Variants in HK2 observed in about 807,000 individuals in gnomAD.
HK2 encodes hexokinase-2.
A neutral mutation model predicts 92.9 loss-of-function variants in HK2; 42 were observed. The ratio of observed to expected loss-of-function variants is 0.45; its 90% confidence interval spans 0.35 to 0.58. HK2 has a LOEUF of 0.58. Among genes scored for constraint, HK2 ranks in the 20% least tolerant of loss-of-function variants. HK2 has a pLI of 0.00. For missense variants in HK2, 978 were observed against 1,245.1 expected, an observed-to-expected ratio of 0.79 and a Z score of 3.23; for synonymous variants, 422 against 468.0, an observed-to-expected ratio of 0.90 and a Z score of 1.27.
chr2:74,835,958 A>G (rs569860588), intron 1 of HK2, among the ~76,000 whole-genome samples: 2 of 152,186 alleles, frequency 1.3e-5, no homozygotes, highest in Non-Finnish European at 2.9e-5. Context: ...ACCTCCAAGA[A>G]AAGCAGAAGT....
intron 2 of HK2, among the ~76,000 whole-genome samples, chr2:74,854,764 G>T (rs1332623301): frequency 6.6e-6 from 1 of 152,218 alleles, no homozygotes; most frequent in Non-Finnish European, 1.5e-5. Context: ...CACTGAGATT[G>T]CACGCAGTGA....
intron 1 of HK2, among the ~76,000 whole-genome samples, chr2:74,840,878 C>CAAAAAAAAAAAAA (rs56344068): frequency 3.6e-5 from 2 of 55,964 alleles, no homozygotes; most frequent in Admixed American, 2.4e-4. Flanking sequence ...GACTCTGTCT[C>CAAAAAAAAAAAAA]AAAAAAAAAA....
At chr2:74,838,916 C>T (rs1233070929) in intron 1 of HK2, among the ~76,000 whole-genome samples, 3 of 152,202 alleles carry the variant, frequency 2.0e-5, no homozygotes, top group South Asian at 2.1e-4. Flanking sequence ...TCAGGGTTAA[C>T]CATAGAGATA....
At chr2:74,844,769 T>C (rs1308412816) in intron 1 of HK2, among the ~76,000 whole-genome samples, 1 of 152,206 alleles carries the variant, frequency 6.6e-6, no homozygotes, top group Non-Finnish European at 1.5e-5. Flanking sequence ...GAAACCATGC[T>C]GCTGCGGGGA....
chr2:74,842,578 G>T (rs1386662298), intron 1 of HK2, among the ~76,000 whole-genome samples: 4 of 152,220 alleles, frequency 2.6e-5, no homozygotes, highest in African/African-American at 9.6e-5. Flanking sequence ...GCTTCTTTTA[G>T]AGTAAGTGGT....
chr2:74,834,350 G>A lies in HK2; in HGVS notation c.-231G>A, dbSNP rs1022451580. 1.6e-6 allele frequency: 1 copy of A among 606,584 alleles called. No individual in the cohort carries two copies. Among genetic ancestry groups the A allele is most frequent in the East Asian group, 2.8e-5 (1 of 35,096 alleles). 37.6% of individuals were successfully genotyped at this position (606,584 alleles called of 1,614,324 possible). On this transcript the variant is annotated 5_prime_UTR_variant, in exon 1 of 18. Coordinates refer to ENST00000290573, the MANE Select transcript of HK2 (RefSeq NM_000189.5). The surrounding 1 kb of genome is among the most constrained non-coding windows in gnomAD (Gnocchi z 4.2). ...GACAACCGGACACGTCGCCAGGAGAGAACTGAGGCGCCTTCTAGCAGTTGT... is the reference window on the plus strand; with the variant it reads ...GACAACCGGACACGTCGCCAGGAGAAAACTGAGGCGCCTTCTAGCAGTTGT...
Position 74,883,825 on chromosome 2 carries a change from G to A in HK2, c.1839+1586G>A, listed in dbSNP as rs28363042. The stretch of plus-strand genomic sequence containing the variant: ...TAACAAAGATATTAGAAACAAACTT[G>A]CTGAATAGTGAGATAGTAGTTAAAT... On this transcript the variant is annotated intron_variant, in intron 12 of 17. Coordinates refer to ENST00000290573, the MANE Select transcript of HK2 (RefSeq NM_000189.5). Among the ~76,000 whole-genome samples the A allele has an allele frequency of 8.5e-3, 1,300 of 152,284 alleles. 11 individuals carry two copies. Among genetic ancestry groups the A allele is most frequent in the Non-Finnish European group, 0.013 (895 of 68,022 alleles).
intron 1 of HK2, 143 bp from the exon 2 acceptor site, chr2:74,854,150 T>C (rs1167921125): frequency 2.5e-6 from 2 of 813,390 alleles, no homozygotes; most frequent in Non-Finnish European, 4.2e-6. Context: ...GTCAAATCGG[T>C]TCCTACTAAT....
At chr2:74,877,975 A>C (rs1001112818) in intron 8 of HK2, among the ~76,000 whole-genome samples, 6 of 152,178 alleles carry the variant, frequency 3.9e-5, no homozygotes, top group African/African-American at 1.4e-4. Context: ...TTTGGAGCCA[A>C]ATGGAGCAGT....
At chr2:74,869,537 G>T (rs1689044891) in intron 3 of HK2, among the ~76,000 whole-genome samples, 1 of 152,220 alleles carries the variant, frequency 6.6e-6, no homozygotes, top group Admixed American at 6.5e-5. Context: ...CTTCGGTAAA[G>T]TCTGTCTTCC....
chr2:74,838,963 A>G (rs1558785727), intron 1 of HK2, among the ~76,000 whole-genome samples: 1 of 152,204 alleles, frequency 6.6e-6, no homozygotes, highest in Non-Finnish European at 1.5e-5. Flanking sequence ...ACCATTGACC[A>G]AATTGTTTTA....
At chr2:74,875,999 G>T (rs979173207) in intron 7 of HK2, among the ~76,000 whole-genome samples, 7 of 152,174 alleles carry the variant, frequency 4.6e-5, no homozygotes, top group Non-Finnish European at 8.8e-5. Context: ...TCCAAATGTT[G>T]ACTGGAACAA....
chr2:74,862,978 G>C (rs981128429), intron 2 of HK2, among the ~76,000 whole-genome samples: 1 of 152,226 alleles, frequency 6.6e-6, no homozygotes, highest in African/African-American at 2.4e-5. Flanking sequence ...ATGCATGTTA[G>C]AGTGGGATTT....
intron 12 of HK2, among the ~76,000 whole-genome samples, chr2:74,885,264 A>G (rs1689494858): frequency 6.6e-6 from 1 of 152,220 alleles, no homozygotes; most frequent in African/African-American, 2.4e-5. Context: ...TGTGAGGGTT[A>G]AATAATGTAA....
intron 2 of HK2, among the ~76,000 whole-genome samples, chr2:74,859,053 TA>T (rs1255212843): frequency 6.6e-6 from 1 of 152,246 alleles, no homozygotes; most frequent in Non-Finnish European, 1.5e-5. Context: ...CAGAATACAT[TA>T]AAAATGGTCT....
chr2:74,873,655 G>A (rs1173545669), intron 5 of HK2, among the ~76,000 whole-genome samples, 189 bp from the exon 6 acceptor site: 3 of 152,052 alleles, frequency 2.0e-5, no homozygotes, highest in Non-Finnish European at 4.4e-5. Flanking sequence ...TTGGAATGAT[G>A]TTGACATGGG....
chr2:74,842,241 T>G (rs1688330487), intron 1 of HK2, among the ~76,000 whole-genome samples: 1 of 152,240 alleles, frequency 6.6e-6, no homozygotes, highest in Non-Finnish European at 1.5e-5. Context: ...AACTTGATTT[T>G]TTTTTGACTT....
rs1435975083 is a variant in HK2, at chr2:74,877,296, A to T, written c.1006A>T (p.Thr336Ser). Residue 336 changes from threonine (T) to serine (S), a missense_variant, in exon 8 of 18, where the codon ACC becomes TCC. Thr to Ser is a moderately conservative substitution (Grantham distance 58). This residue lies in a region of HK2 where 742 missense variants were observed against 922.5 expected (regional missense o/e 0.80). Coordinates refer to ENST00000290573, the MANE Select transcript of HK2 (RefSeq NM_000189.5). ...GCTTCTCAACACCGGTCGCTTTGAG[A>T]CCAAAGACATCTCAGACATTGAAGG... ...PELLNTGRFE[T>S]KDISDIEGEK... The T allele has an allele frequency of 1.2e-6, 2 of 1,614,088 alleles. No individual in the cohort carries two copies. The highest frequency in any genetic ancestry group is 1.7e-6 in the Non-Finnish European group (2 of 1,180,034).
intron 2 of HK2, among the ~76,000 whole-genome samples, chr2:74,863,048 CAT>C (rs1261638844): frequency 6.6e-6 from 1 of 152,192 alleles, no homozygotes; most frequent in African/African-American, 2.4e-5. Context: ...AATATTGAAA[CAT>C]AATCATGTTT....
Sources: gnomAD v4.1 joint callset for allele counts (sites outside exome capture counted in the v4.1 genomes callset) on GRCh38, gnomAD v4.1.1 for gene constraint, gnomAD v4.1.1 regional missense constraint, Gnocchi (gnomAD v3.1) non-coding constraint, MANE v1.5 for transcripts, NCBI Gene and HGNC (gene_info 2026-07-23, HGNC 2026-07-21) for gene names.